RASAL2: variants seen among roughly 807,000 people sequenced by gnomAD.
RASAL2 encodes the protein ras GTPase-activating protein nGAP.
RASAL2 carries 58 observed loss-of-function variants against 128.9 expected under a neutral mutation model. The ratio of observed to expected loss-of-function variants is 0.45; its 90% CI spans 0.36 to 0.56. RASAL2 has a LOEUF of 0.56. Among genes scored for constraint, RASAL2 ranks in the 20% least tolerant of loss-of-function variants. The pLI is 0.00. For synonymous variants in RASAL2, 561 were observed against 580.8 expected, an observed-to-expected ratio of 0.97 and a Z score of 0.49; for missense variants, 1,360 against 1,601.6, an observed-to-expected ratio of 0.85 and a Z score of 2.57.
At chr1:178,398,547 T>G (rs752557432) in intron 4 of RASAL2, among the ~76,000 whole-genome samples, 1 of 152,180 alleles carries the variant, frequency 6.6e-6, no homozygotes, top group Non-Finnish European at 1.5e-5. Context: ...TCAATGCAAT[T>G]AATATCAACA....
At chr1:178,278,906 T>C (rs1339944017) in intron 1 of RASAL2, among the ~76,000 whole-genome samples, 2 of 152,206 alleles carry the variant, frequency 1.3e-5, no homozygotes, top group Non-Finnish European at 2.9e-5. Flanking sequence ...ATGATGCTCC[T>C]TTCTCCCATT....
intron 1 of RASAL2, among the ~76,000 whole-genome samples, chr1:178,268,248 T>C (rs1666073288): frequency 6.6e-6 from 1 of 152,020 alleles, no homozygotes; most frequent in East Asian, 1.9e-4. Context: ...GGCGGGTGGA[T>C]CACGAAGTCA....
At chr1:178,369,785 A>G (rs894324519) in intron 3 of RASAL2, among the ~76,000 whole-genome samples, 4 of 152,236 alleles carry the variant, frequency 2.6e-5, no homozygotes, top group Admixed American at 1.3e-4. Flanking sequence ...ACAGTTATAA[A>G]TCTACTATAT....
At chr1:178,173,188 A>G (rs956132887) in intron 1 of RASAL2, among the ~76,000 whole-genome samples, 2 of 151,988 alleles carry the variant, frequency 1.3e-5, no homozygotes, top group African/African-American at 4.8e-5. Context: ...TACTGTAGTA[A>G]CCAAATACAC....
chr1:178,219,587 G>A lies in RASAL2; in HGVS notation c.203-63977G>A, dbSNP rs78087404. ...CAAGGCTGCAGTGAGCTGTGATCGC[G>A]CCATAGCACTCTAGCCTAAGTGACA... is the stretch of plus-strand genomic sequence containing the variant. On this transcript the variant is annotated intron_variant, in intron 1 of 17. Transcript: ENST00000367649. 5.0e-3 allele frequency among the ~76,000 whole-genome samples: 743 copies of A among 149,542 alleles called. 15 individuals carry two copies. The highest frequency in any genetic ancestry group is 0.018 in the African/African-American group (717 of 40,548).
chr1:178,376,359 A>G (rs2102541818), intron 3 of RASAL2, among the ~76,000 whole-genome samples: 1 of 152,286 alleles, frequency 6.6e-6, no homozygotes, highest in South Asian at 2.1e-4. Flanking sequence ...TGCCTGAAGA[A>G]ATCTGTGACT....
chr1:178,141,359 A>T (rs1044342682), intron 1 of RASAL2, among the ~76,000 whole-genome samples: 2 of 151,656 alleles, frequency 1.3e-5, no homozygotes, highest in African/African-American at 2.4e-5. Context: ...CAGGCGAGAG[A>T]TGATTTATTT....
intron 3 of RASAL2, among the ~76,000 whole-genome samples, chr1:178,308,225 A>T (rs1293418673): frequency 6.6e-6 from 1 of 152,090 alleles, no homozygotes; most frequent in African/African-American, 2.4e-5. Flanking sequence ...CCTCCGATAT[A>T]TTCTAGCAAG....
chr1:178,467,554 A>G, intron 17 of RASAL2, 133 bp downstream of exon 17: 2 of 681,158 alleles, frequency 2.9e-6, no homozygotes, highest in Non-Finnish European at 5.1e-6. Context: ...TACATTTTGA[A>G]GATTAAATGA....
At chr1:178,202,091 T>C (rs1379718705) in intron 1 of RASAL2, among the ~76,000 whole-genome samples, 1 of 152,192 alleles carries the variant, frequency 6.6e-6, no homozygotes, top group Non-Finnish European at 1.5e-5. Flanking sequence ...TGACGTTGAT[T>C]CCAGGGGACC....
intron 1 of RASAL2, among the ~76,000 whole-genome samples, chr1:178,148,517 C>A (rs541027403): frequency 1.2e-4 from 18 of 150,434 alleles, no homozygotes; most frequent in African/African-American, 4.4e-4. Context: ...GGTGTGATCT[C>A]GGCCCACTGC....
chr1:178,264,994 T>C (rs1326369567), intron 1 of RASAL2, among the ~76,000 whole-genome samples: 2 of 152,138 alleles, frequency 1.3e-5, no homozygotes, highest in Non-Finnish European at 2.9e-5. Context: ...TAACAAAAGA[T>C]GCTTCTCCAA....
chr1:178,236,756 CTTTTTTTTT>C (rs549848632), intron 1 of RASAL2, among the ~76,000 whole-genome samples: 106 of 118,434 alleles, frequency 9.0e-4, no homozygotes, highest in African/African-American at 3.0e-3. Flanking sequence ...TTGGACACTA[CTTTTTTTTT>C]TTTTTTTTTT....
rs114428472 is a variant in RASAL2, at chr1:178,461,701, T to C, written c.3253-2577T>C. Among the ~76,000 whole-genome samples the C allele has an allele frequency of 3.7e-3, 559 of 152,340 alleles. 3 individuals carry two copies. The highest frequency in any genetic ancestry group is 0.013 in the African/African-American group (530 of 41,582). ...GCTGCAGTTTTCACATTTAGATTTGTTGAACTGTCTCTTAACCAACCTCTT... is the reference window on the plus strand; with the variant it reads ...GCTGCAGTTTTCACATTTAGATTTGCTGAACTGTCTCTTAACCAACCTCTT... On this transcript the variant is annotated intron_variant, in intron 14 of 17. Transcript: ENST00000367649.
intron 1 of RASAL2, among the ~76,000 whole-genome samples, chr1:178,167,536 G>T (rs936307362): frequency 1.3e-5 from 2 of 151,990 alleles, no homozygotes; most frequent in South Asian, 2.1e-4. Flanking sequence ...GGGTATGGGG[G>T]TGTCTATAAT....
chr1:178,163,837 G>T (rs560670964), intron 1 of RASAL2, among the ~76,000 whole-genome samples: 119 of 152,128 alleles, frequency 7.8e-4, no homozygotes, highest in Admixed American at 1.5e-3. Context: ...TAGAGATTTT[G>T]TTTAATTTGT....
chr1:178,276,342 T>G (rs78440966), intron 1 of RASAL2, among the ~76,000 whole-genome samples: 2,766 of 152,252 alleles, frequency 0.018, 77 homozygotes, highest in African/African-American at 0.06. Flanking sequence ...AACTTTACTT[T>G]AAGTGACCTG....
intron 1 of RASAL2, among the ~76,000 whole-genome samples, chr1:178,195,270 G>A (rs994730282): frequency 5.9e-5 from 9 of 152,160 alleles, no homozygotes; most frequent in African/African-American, 2.2e-4. Context: ...TAATTTGCCA[G>A]CAGTCAATAT....
intron 3 of RASAL2, among the ~76,000 whole-genome samples, chr1:178,331,916 A>G (rs1669337095): frequency 6.6e-6 from 1 of 152,268 alleles, no homozygotes; most frequent in Admixed American, 6.5e-5. Context: ...GAATTTCAAT[A>G]CAAAGAACAT....
Sources: allele counts gnomAD v4.1 joint callset (sites outside exome capture counted in the v4.1 genomes callset), GRCh38; gene constraint gnomAD v4.1.1; transcripts MANE v1.5; gene names NCBI Gene and HGNC (gene_info 2026-07-23, HGNC 2026-07-21).